The following TMEM223 variants were observed in gnomAD, a reference collection of about 807,000 sequenced individuals.
The protein encoded by TMEM223 is transmembrane protein 223.
A neutral mutation model predicts 14.1 loss-of-function variants in TMEM223; 14 were observed. The observed-to-expected ratio is 0.99, with a 90% confidence interval of 0.66 to 1.55. The LOEUF (loss-of-function observed/expected upper bound fraction) is 1.55. Among genes scored for constraint, TMEM223 ranks in the 40% most tolerant of loss-of-function variants. The pLI is 0.00. For missense variants in TMEM223, 346 were observed against 269.9 expected (o/e 1.28, Z -1.97); for synonymous variants, 145 against 120.5 (o/e 1.20, Z -1.33).
At chr11:62,776,903 C>G (rs619109) in intron 1 of TMEM223, among the ~76,000 whole-genome samples, 3,646 of 150,766 alleles carry the variant, frequency 0.024, 145 homozygotes, top group African/African-American at 0.083. Context: ...AATCCCAGCA[C>G]TTTGGGAGGT....
intron 1 of TMEM223, among the ~76,000 whole-genome samples, chr11:62,780,720 G>A (rs564711567): frequency 1.3e-4 from 20 of 150,062 alleles, no homozygotes; most frequent in African/African-American, 4.7e-4. Context: ...ATGTGAGGCC[G>A]GGAGTTCGAG....
downstream of TMEM223, chr11:62,787,435 G>T (rs374217510): frequency 1.3e-5 from 21 of 1,565,804 alleles, no homozygotes; most frequent in Middle Eastern, 6.8e-4. Flanking sequence ...GGGCGCCATG[G>T]CGCTGTCCTG....
downstream of TMEM223, chr11:62,789,696 G>C (rs370572783): frequency 9.5e-5 from 145 of 1,532,824 alleles, no homozygotes; most frequent in Admixed American, 3.7e-4. Flanking sequence ...CCCAAGGATA[G>C]GAGGAAAAAC....
chr11:62,785,261 G>A (rs1014057329), downstream of TMEM223, among the ~76,000 whole-genome samples: 1 of 151,316 alleles, frequency 6.6e-6, no homozygotes, highest in Non-Finnish European at 1.5e-5. Flanking sequence ...GCGCGACCTC[G>A]GCTCACTGCA....
At chr11:62,771,737 T>C (rs190932018) in exon 3 of TMEM223, 15 of 216,956 alleles carry the variant, frequency 6.9e-5, no homozygotes, top group Non-Finnish European at 1.3e-4. Flanking sequence ...CTCTCCAGCG[T>C]GACTAGTGGC....
chr11:62,782,600 G>T, downstream of TMEM223: 1 of 1,547,154 alleles, frequency 6.5e-7, no homozygotes, highest in Non-Finnish European at 8.8e-7. Context: ...TCCCGAGTGT[G>T]CTGTACAGAT....
chr11:62,789,326 T>A, downstream of TMEM223: 1 of 1,614,020 alleles, frequency 6.2e-7, no homozygotes, highest in Non-Finnish European at 8.5e-7. Context: ...ACTGGCCATC[T>A]CAGCTATAGC....
Position 62,790,442 on chromosome 11 carries a change from T to TG in TMEM223, c.*180_*181insC. 4 of 431,472 alleles carry TG rather than the reference T, an allele frequency of 9.3e-6. No individual in the cohort carries two copies. The highest frequency in any genetic ancestry group is 7.2e-5 in the South Asian group (2 of 27,868). 26.7% of individuals were successfully genotyped at this position (431,472 alleles called of 1,614,324 possible). On this transcript the variant is annotated 3_prime_UTR_variant, in exon 2 of 2. Coordinates refer to ENST00000307366, the MANE Select transcript of TMEM223 (RefSeq NM_001080501.3). ...ATTCTAAGATTGGCGTTTTTTTTTG[T>TG]TTTTTTTTTTGTAAATAGAGACAAG...
intron 1 of TMEM223, among the ~76,000 whole-genome samples, chr11:62,781,239 GAAAAAA>G (rs572508048): frequency 9.5e-6 from 1 of 105,508 alleles, no homozygotes; most frequent in Non-Finnish European, 1.8e-5. Context: ...CCATCTCAAA[GAAAAAA>G]AAAAAAGAAA....
At chr11:62,791,269 TTTTTTGAGAG>T (rs1455754368) in intron 1 of TMEM223, among the ~76,000 whole-genome samples, 1 of 152,018 alleles carries the variant, frequency 6.6e-6, no homozygotes, top group African/African-American at 2.4e-5. Context: ...CCCAATTTTT[TTTTTTGAGAG>T]GGGAGTCTCG....
At chr11:62,789,518 C>T, downstream of TMEM223, 1 of 1,590,710 alleles carries the variant, frequency 6.3e-7, no homozygotes, top group Non-Finnish European at 8.6e-7. Context: ...ATCAGTTGCT[C>T]TCAACTCACA....
At chr11:62,787,427 G>C (rs1353378805), downstream of TMEM223, 1 of 1,560,982 alleles carries the variant, frequency 6.4e-7, no homozygotes, top group Admixed American at 1.8e-5. Context: ...GGTGGTCAGG[G>C]CGCCATGGCG....
downstream of TMEM223, among the ~76,000 whole-genome samples, chr11:62,788,676 CAAAAAAA>C (rs5792270): frequency 1.6e-5 from 2 of 122,414 alleles, no homozygotes; most frequent in African/African-American, 6.4e-5. Context: ...TGCACTCCAG[CAAAAAAA>C]AAAAAAAAAA....
chr11:62,790,980 G>T, intron 1 of TMEM223, 65 bp from the exon 2 acceptor site: 1 of 1,436,338 alleles, frequency 7.0e-7, no homozygotes, highest in Non-Finnish European at 9.2e-7. Context: ...GACCTTTCCA[G>T]TGCCCTCTGA....
chr11:62,790,971 A>G, intron 1 of TMEM223, 56 bp from the exon 2 acceptor site: 1 of 1,456,732 alleles, frequency 6.9e-7, no homozygotes, highest in Non-Finnish European at 9.1e-7. Flanking sequence ...CTAAGTACCG[A>G]CCTTTCCAGT....
At chr11:62,782,347 C>T (rs2084236583) in intron 1 of TMEM223, 3 of 1,611,208 alleles carry the variant, frequency 1.9e-6, no homozygotes, top group Non-Finnish European at 2.5e-6. Context: ...GCCACTGGGC[C>T]TAAACCTGCG....
chr11:62,779,969 TATATATA>T (rs1487981815), intron 1 of TMEM223, among the ~76,000 whole-genome samples: 22 of 73,616 alleles, frequency 3.0e-4, no homozygotes, highest in African/African-American at 7.8e-4. Context: ...TATATATATA[TATATATA>T]TTTTTTTTTT....
chr11:62,789,436 G>T, downstream of TMEM223: 3 of 1,613,740 alleles, frequency 1.9e-6, no homozygotes, highest in Middle Eastern at 3.3e-4. Flanking sequence ...GGTAATGGGA[G>T]AGGGAGGGAA....
At chr11:62,786,827 G>C (rs777957144), downstream of TMEM223, 7 of 1,603,618 alleles carry the variant, frequency 4.4e-6, no homozygotes, top group Non-Finnish European at 8.5e-7. Context: ...ACGGCTCCGC[G>C]GCCGCCCGGG....
Sources: allele counts gnomAD v4.1 joint callset (sites outside exome capture counted in the v4.1 genomes callset), GRCh38; gene constraint gnomAD v4.1.1; transcripts MANE v1.5; gene names NCBI Gene and HGNC (gene_info 2026-07-23, HGNC 2026-07-21).